The following DSCAM variants were observed in gnomAD, a reference collection of about 807,000 sequenced individuals.
DSCAM encodes cell adhesion molecule DSCAM.
A neutral mutation model predicts 217.7 loss-of-function variants in DSCAM; 47 were observed. The ratio of observed to expected loss-of-function variants is 0.22; its 90% confidence interval spans 0.17 to 0.28. DSCAM has a LOEUF of 0.28. Among genes scored for constraint, DSCAM ranks in the 10% least tolerant of loss-of-function variants. The pLI, the probability that DSCAM is intolerant of heterozygous loss-of-function variation, is 1.00. For synonymous variants in DSCAM, 1,056 were observed against 1,015.3 expected (o/e 1.04, Z -0.76); for missense variants, 2,080 against 2,618.3 (o/e 0.79, Z 4.49).
chr21:40,731,305 A>G (rs2091008395), intron 1 of DSCAM, among the ~76,000 whole-genome samples: 1 of 152,198 alleles, frequency 6.6e-6, no homozygotes, highest in African/African-American at 2.4e-5. Context: ...CAAGAAGACA[A>G]TTTCACTAAA....
chr21:40,369,002 A>G, intron 4 of DSCAM, 97 bp downstream of exon 4: 1 of 1,362,066 alleles, frequency 7.3e-7, no homozygotes, highest in Non-Finnish European at 9.6e-7. Context: ...TGAAGGCTCC[A>G]TTTTAGTGGC....
intron 32 of DSCAM, among the ~76,000 whole-genome samples, chr21:40,018,622 C>A (rs986659363): frequency 1.4e-4 from 22 of 152,186 alleles, no homozygotes; most frequent in African/African-American, 5.1e-4. Flanking sequence ...CCCGGCTGGA[C>A]TGCAGAATGC....
At chr21:40,237,757 A>G (rs893281617) in intron 11 of DSCAM, among the ~76,000 whole-genome samples, 1 of 152,136 alleles carries the variant, frequency 6.6e-6, no homozygotes, top group Non-Finnish European at 1.5e-5. Flanking sequence ...GTCAAATGGT[A>G]TTTCTGGTTC....
chr21:40,370,561 C>A (rs1232574454), intron 3 of DSCAM, among the ~76,000 whole-genome samples: 2 of 151,904 alleles, frequency 1.3e-5, no homozygotes, highest in East Asian at 1.9e-4. Flanking sequence ...ATTTCTTGGT[C>A]ATTTTCTGCA....
At chr21:40,546,553 G>A (rs762655783) in intron 3 of DSCAM, among the ~76,000 whole-genome samples, 14 of 152,334 alleles carry the variant, frequency 9.2e-5, no homozygotes, top group Admixed American at 3.3e-4. Context: ...CTATGGCTTC[G>A]CCCAAGCACA....
At chr21:40,358,610 G>A (rs532522419) in intron 4 of DSCAM, among the ~76,000 whole-genome samples, 70 of 151,968 alleles carry the variant, frequency 4.6e-4, no homozygotes, top group African/African-American at 1.5e-3. Context: ...AGTTCAAGAC[G>A]AGCCTGGCCA....
chr21:40,365,914 T>C (rs996858281), intron 4 of DSCAM, among the ~76,000 whole-genome samples: 1 of 152,158 alleles, frequency 6.6e-6, no homozygotes, highest in South Asian at 2.1e-4. Context: ...TTTTAAAAAA[T>C]ATTAGGTCAG....
chr21:40,262,523 A>C (rs963641020), intron 11 of DSCAM, among the ~76,000 whole-genome samples: 2 of 152,206 alleles, frequency 1.3e-5, no homozygotes, highest in Non-Finnish European at 2.9e-5. Flanking sequence ...ACCCAATCAT[A>C]GAATTACTCC....
intron 1 of DSCAM, among the ~76,000 whole-genome samples, chr21:40,844,705 C>T (rs902173696): frequency 6.6e-6 from 1 of 151,988 alleles, no homozygotes; most frequent in Non-Finnish European, 1.5e-5. Context: ...TTATAAAATG[C>T]TGATTCAGAA....
At chr21:40,233,231 T>C (rs1203631671) in intron 11 of DSCAM, among the ~76,000 whole-genome samples, 1 of 152,110 alleles carries the variant, frequency 6.6e-6, no homozygotes, top group Non-Finnish European at 1.5e-5. Flanking sequence ...GATACATACA[T>C]AGAATAACAA....
chr21:40,500,065 C>T (rs763129402), intron 3 of DSCAM, among the ~76,000 whole-genome samples: 12 of 152,106 alleles, frequency 7.9e-5, no homozygotes, highest in Non-Finnish European at 7.4e-5. Flanking sequence ...AGGCGTCAGG[C>T]GTGAGCCACT....
intron 15 of DSCAM, 65 bp from the exon 16 acceptor site, chr21:40,167,353 A>G: frequency 6.9e-7 from 1 of 1,457,218 alleles, no homozygotes. Flanking sequence ...AAGCCTACAC[A>G]GCCAAAGGTG....
At chr21:40,539,345 A>AT (rs1183266879) in intron 3 of DSCAM, among the ~76,000 whole-genome samples, 1 of 152,076 alleles carries the variant, frequency 6.6e-6, no homozygotes, top group African/African-American at 2.4e-5. Flanking sequence ...AATACAAAAA[A>AT]TTAGCCGGGC....
intron 1 of DSCAM, among the ~76,000 whole-genome samples, chr21:40,825,942 G>A (rs1274732610): frequency 6.6e-6 from 1 of 152,178 alleles, no homozygotes; most frequent in African/African-American, 2.4e-5. Context: ...GCTATACATT[G>A]CTTTAAACAA....
intron 1 of DSCAM, among the ~76,000 whole-genome samples, chr21:40,751,651 A>C (rs2091230379): frequency 6.6e-6 from 1 of 152,164 alleles, no homozygotes; most frequent in Non-Finnish European, 1.5e-5. Flanking sequence ...AAGAACATTG[A>C]GGATTAGTTA....
In DSCAM at chr21:40,343,994, C is replaced by G. The variant is rs190697844; in HGVS notation, c.1210+3676G>C. Among the ~76,000 whole-genome samples the G allele has an allele frequency of 1.9e-3, 286 of 152,126 alleles. 2 individuals carry two copies. The highest frequency in any genetic ancestry group is 6.5e-3 in the African/African-American group (268 of 41,534). On this transcript the variant is annotated intron_variant, in intron 6 of 32. Transcript: ENST00000400454. Reference sequence around the variant, plus strand: ...TCTCGGCTCACTGCAACCTCCACCTCCTGGGTTCAAGCTGTTCTCCTGCCT... The same window carrying G: ...TCTCGGCTCACTGCAACCTCCACCTGCTGGGTTCAAGCTGTTCTCCTGCCT...
At chr21:40,581,250 C>A (rs76799376) in intron 3 of DSCAM, among the ~76,000 whole-genome samples, 2 of 152,114 alleles carry the variant, frequency 1.3e-5, no homozygotes, top group Admixed American at 1.3e-4. Flanking sequence ...TAGTTTTAGT[C>A]CCCACCCTCA....
At chr21:40,622,234 T>C (rs2089529888) in intron 3 of DSCAM, among the ~76,000 whole-genome samples, 1 of 151,876 alleles carries the variant, frequency 6.6e-6, no homozygotes, top group Non-Finnish European at 1.5e-5. Flanking sequence ...TTTCCTGACT[T>C]TAAAGACAAA....
intron 3 of DSCAM, among the ~76,000 whole-genome samples, chr21:40,495,970 A>C (rs2146023080): frequency 6.6e-6 from 1 of 152,286 alleles, no homozygotes; most frequent in African/African-American, 2.4e-5. Context: ...GAATAAGTTT[A>C]ACCAAGGAAG....
Sources: allele counts gnomAD v4.1 joint callset (sites outside exome capture counted in the v4.1 genomes callset), GRCh38; gene constraint gnomAD v4.1.1; transcripts MANE v1.5; gene names NCBI Gene and HGNC (gene_info 2026-07-23, HGNC 2026-07-21).